Variants in ZNF679 observed in about 807,000 individuals in gnomAD.
ZNF679 encodes zinc finger protein 679.
Under a neutral mutation model 13.4 loss-of-function variants are expected in ZNF679, and 10 were observed. That is an observed-to-expected ratio of 0.75 (90% CI 0.46 to 1.27). ZNF679 has a LOEUF of 1.27. ZNF679 is among the 50% of genes most tolerant of loss of function. The pLI is 0.00. For synonymous variants in ZNF679, 179 were observed against 162.5 expected, an observed-to-expected ratio of 1.10 and a Z score of -0.77; for missense variants, 525 against 477.8, an observed-to-expected ratio of 1.10 and a Z score of -0.92.
Position 64,266,890 on chromosome 7 carries a change from A to G in ZNF679, c.*21A>G. On this transcript the variant is annotated 3_prime_UTR_variant, in exon 5 of 5. Coordinates refer to ENST00000421025, the MANE Select transcript of ZNF679 (RefSeq NM_153363.3). ...AATAATGTGATAAAGTCCAGCCTTC[A>G]GACCTTATAATACATAAAATAATTT... 1 of 1,515,932 alleles carries G rather than the reference A, an allele frequency of 6.6e-7. No homozygotes were observed. Among genetic ancestry groups the G allele is most frequent in the Non-Finnish European group, 8.8e-7 (1 of 1,134,854 alleles). 93.9% of individuals were successfully genotyped at this position (1,515,932 alleles called of 1,614,324 possible). A position where few individuals can be genotyped will look rare whatever the true frequency, so the allele number is the denominator to read the frequency against.
intron 4 of ZNF679, among the ~76,000 whole-genome samples, chr7:64,264,422 A>G (rs1423135330): frequency 3.3e-5 from 5 of 152,078 alleles, no homozygotes; most frequent in Non-Finnish European, 7.4e-5. Context: ...GATCACAATA[A>G]TACCACAGAT....
intron 1 of ZNF679, among the ~76,000 whole-genome samples, chr7:64,237,001 A>AAGAAAG (rs149813028): frequency 1.3e-5 from 1 of 77,844 alleles, no homozygotes; most frequent in Non-Finnish European, 2.3e-5. Context: ...GAAAGAAAGA[A>AAGAAAG]AAAGAAAGAA....
intron 2 of ZNF679, among the ~76,000 whole-genome samples, chr7:64,257,759 A>G (rs1387752028): frequency 6.6e-6 from 1 of 152,214 alleles, no homozygotes; most frequent in Non-Finnish European, 1.5e-5. Flanking sequence ...TATTTGTACC[A>G]GAAGTATTTA....
rs144272859 is a variant in ZNF679, at chr7:64,249,089, C to T, written c.-29C>T. The T allele has an allele frequency of 3.6e-3, 5,861 of 1,614,018 alleles. 180 individuals are homozygous for T. The Admixed American group carries it at 0.062, about 17-fold the overall frequency. On this transcript the variant is annotated 5_prime_UTR_variant, in exon 2 of 5. Coordinates refer to ENST00000421025, the MANE Select transcript of ZNF679 (RefSeq NM_153363.3). ...GTTCCTAGAGGCCAAGCCACTGTGGCCTTGTGTTCTGCAGGTATCCGCAGA... is the reference window on the plus strand; with the variant it reads ...GTTCCTAGAGGCCAAGCCACTGTGGTCTTGTGTTCTGCAGGTATCCGCAGA...
At chr7:64,241,360 C>T (rs1787796351) in intron 1 of ZNF679, among the ~76,000 whole-genome samples, 1 of 152,230 alleles carries the variant, frequency 6.6e-6, no homozygotes, top group African/African-American at 2.4e-5. Flanking sequence ...GTTGCATCAC[C>T]TGGGTGCTGG....
intron 1 of ZNF679, among the ~76,000 whole-genome samples, chr7:64,241,195 A>G (rs1787794094): frequency 6.6e-6 from 1 of 152,186 alleles, no homozygotes; most frequent in African/African-American, 2.4e-5. Context: ...ATAGTCTGTG[A>G]CCATCCTGCA....
intron 2 of ZNF679, among the ~76,000 whole-genome samples, chr7:64,253,223 A>C (rs1787964722): frequency 6.6e-6 from 1 of 152,142 alleles, no homozygotes; most frequent in African/African-American, 2.4e-5. Context: ...CCTTTGTATA[A>C]ACACTGTGTT....
intron 1 of ZNF679, among the ~76,000 whole-genome samples, chr7:64,236,106 A>T (rs1787707608): frequency 6.6e-6 from 1 of 151,968 alleles, no homozygotes; most frequent in Admixed American, 6.6e-5. Flanking sequence ...CTCTACTAAA[A>T]ATACAAAAAT....
intron 1 of ZNF679, among the ~76,000 whole-genome samples, chr7:64,244,355 G>T (rs1265880429): frequency 6.6e-6 from 1 of 152,038 alleles, no homozygotes; most frequent in African/African-American, 2.4e-5. Context: ...ATGCCAAACT[G>T]CCAATATTTC....
At chr7:64,258,997 C>T (rs1255874807) in intron 2 of ZNF679, among the ~76,000 whole-genome samples, 9 of 152,054 alleles carry the variant, frequency 5.9e-5, no homozygotes, top group African/African-American at 9.7e-5. Flanking sequence ...CTGCAACCTC[C>T]GCCTTGTGGG....
chr7:64,260,790 G>C, intron 3 of ZNF679, 44 bp from the exon 4 acceptor site: 1 of 1,560,690 alleles, frequency 6.4e-7, no homozygotes, highest in Non-Finnish European at 8.7e-7. Flanking sequence ...GGTAATTAAA[G>C]AATTCAGCAA....
At chr7:64,248,590 A>G (rs1201267213) in intron 1 of ZNF679, among the ~76,000 whole-genome samples, 1 of 152,100 alleles carries the variant, frequency 6.6e-6, no homozygotes, top group Non-Finnish European at 1.5e-5. Flanking sequence ...ATGAATTACA[A>G]TTTGAGATGA....
At chr7:64,253,413 G>C (rs1787966605) in intron 2 of ZNF679, among the ~76,000 whole-genome samples, 1 of 152,138 alleles carries the variant, frequency 6.6e-6, no homozygotes, top group African/African-American at 2.4e-5. Flanking sequence ...AGATGTCCCA[G>C]CCTGCTCACA....
At chr7:64,242,420 G>T (rs1190427673) in intron 1 of ZNF679, among the ~76,000 whole-genome samples, 1 of 152,118 alleles carries the variant, frequency 6.6e-6, no homozygotes, top group African/African-American at 2.4e-5. Flanking sequence ...CCAAATGTAG[G>T]ATCACACCCA....
rs1310948280 is a variant in ZNF679, at chr7:64,244,896, C to G, written c.-90-4132C>G. On this transcript the variant is annotated intron_variant, in intron 1 of 4. Transcript: ENST00000421025. ...AACTATAACACAAATTTCAAAATTTCTATATGCTGGATGGTAGAAACCAAG... is the reference window on the plus strand; with the variant it reads ...AACTATAACACAAATTTCAAAATTTGTATATGCTGGATGGTAGAAACCAAG... 5.3e-5 allele frequency among the ~76,000 whole-genome samples: 8 copies of G among 152,224 alleles called. 1 individual carries two copies. Among genetic ancestry groups the G allele is most frequent in the African/African-American group, 4.8e-5 (2 of 41,454 alleles).
intron 4 of ZNF679, among the ~76,000 whole-genome samples, chr7:64,263,440 G>A (rs750836987): frequency 3.3e-5 from 5 of 152,096 alleles, no homozygotes; most frequent in Non-Finnish European, 7.4e-5. Flanking sequence ...AACATACCAG[G>A]TGCAAATAAA....
intron 1 of ZNF679, among the ~76,000 whole-genome samples, chr7:64,241,353 G>A (rs1405195924): frequency 6.6e-6 from 1 of 152,208 alleles, no homozygotes; most frequent in African/African-American, 2.4e-5. Context: ...CACAAGGGTT[G>A]CATCACCTGG....
chr7:64,238,584 C>T (rs1787756378), intron 1 of ZNF679, among the ~76,000 whole-genome samples: 1 of 152,158 alleles, frequency 6.6e-6, no homozygotes, highest in Admixed American at 6.6e-5. Context: ...GACAGGGTTT[C>T]ACCATGTTGA....
chr7:64,245,110 C>G (rs1280285562), intron 1 of ZNF679, among the ~76,000 whole-genome samples: 1 of 152,204 alleles, frequency 6.6e-6, no homozygotes, highest in Non-Finnish European at 1.5e-5. Context: ...ACTGCAACCT[C>G]TGCTTCCCAA....
Sources: allele counts gnomAD v4.1 joint callset (sites outside exome capture counted in the v4.1 genomes callset), GRCh38; gene constraint gnomAD v4.1.1; transcripts MANE v1.5; gene names NCBI Gene and HGNC (gene_info 2026-07-23, HGNC 2026-07-21).